The following WDR72 variants were observed in gnomAD, a reference collection of about 807,000 sequenced individuals.
WDR72 encodes the protein WD repeat domain 72.
WDR72 carries 120 observed loss-of-function variants against 124.2 expected under a neutral mutation model. The observed-to-expected ratio is 0.97, with a 90% confidence interval of 0.83 to 1.12. WDR72 has a LOEUF of 1.12. Among genes scored for constraint, WDR72 ranks in the 50% most tolerant of loss-of-function variants. The pLI is 0.00. For synonymous variants in WDR72, 452 were observed against 441.7 expected, an observed-to-expected ratio of 1.02 and a Z score of -0.29; for missense variants, 1,387 against 1,278.8, an observed-to-expected ratio of 1.08 and a Z score of -1.29.
At chr15:53,705,815 C>T in intron 10 of WDR72, 112 bp downstream of exon 10, 2 of 1,271,682 alleles carry the variant, frequency 1.6e-6, no homozygotes, top group Non-Finnish European at 1.1e-6. Context: ...CGTAGTAGTA[C>T]ACAATAAATT....
chr15:53,650,989 A>T (rs1428200778), intron 14 of WDR72, among the ~76,000 whole-genome samples: 4 of 151,212 alleles, frequency 2.6e-5, no homozygotes, highest in African/African-American at 9.8e-5. Flanking sequence ...AATCGTGAAA[A>T]GACTCCCTTT....
intron 1 of WDR72, among the ~76,000 whole-genome samples, chr15:53,737,815 T>A (rs2140627811): frequency 6.6e-6 from 1 of 152,274 alleles, no homozygotes; most frequent in African/African-American, 2.4e-5. Context: ...ATCACAAAAA[T>A]ATATAGATTC....
intron 13 of WDR72, among the ~76,000 whole-genome samples, chr15:53,667,081 A>G (rs690138): frequency 0.095 from 14,510 of 152,112 alleles, 1,845 homozygotes; most frequent in African/African-American, 0.29. Context: ...GCTGGGTGTG[A>G]TGGCTCATGC....
chr15:53,666,731 A>G (rs2015793153), intron 13 of WDR72, among the ~76,000 whole-genome samples: 1 of 152,196 alleles, frequency 6.6e-6, no homozygotes, highest in African/African-American at 2.4e-5. Context: ...CTTAATTACA[A>G]TAAGAAAATA....
chr15:53,726,868 A>G (rs899991081), intron 2 of WDR72, among the ~76,000 whole-genome samples: 11 of 151,576 alleles, frequency 7.3e-5, no homozygotes, highest in African/African-American at 1.2e-4. Flanking sequence ...ACCCAATTTT[A>G]AAAATATGAC....
upstream of WDR72, chr15:53,759,735 G>T (rs1382261770): frequency 3.4e-5 from 1 of 29,496 alleles, no homozygotes; most frequent in African/African-American, 1.2e-4. Flanking sequence ...GCCCCGCCCC[G>T]CCCCGGTCCT....
intron 18 of WDR72, among the ~76,000 whole-genome samples, chr15:53,556,886 G>A (rs1893953246): frequency 6.6e-6 from 1 of 152,002 alleles, no homozygotes; most frequent in Non-Finnish European, 1.5e-5. Context: ...TATAATCCAT[G>A]TTACATGTAT....
At chr15:53,533,867 A>C (rs1237236855) in intron 18 of WDR72, among the ~76,000 whole-genome samples, 1 of 152,170 alleles carries the variant, frequency 6.6e-6, no homozygotes, top group Non-Finnish European at 1.5e-5. Context: ...AATCTTCATC[A>C]ATCTGTCAGT....
At chr15:53,657,181 T>C (rs2015454903) in intron 14 of WDR72, among the ~76,000 whole-genome samples, 3 of 143,494 alleles carry the variant, frequency 2.1e-5, no homozygotes, top group Admixed American at 1.5e-4. Flanking sequence ...GGAGAATCAC[T>C]TGAACCTGGG....
At position 53,646,789 on chromosome 15, in the gene WDR72, A is replaced by G. The variant is rs563375202; in HGVS notation, c.1962+18783T>C. ...ACTGAAATGATAGAAAACGTCAAAT[A>G]AAAGCTCTGGGACAGTTAAAAAAAA... On this transcript the variant is annotated intron_variant, in intron 14 of 19. Transcript: ENST00000360509. 8.5e-5 allele frequency among the ~76,000 whole-genome samples: 13 copies of G among 152,282 alleles called. No homozygotes were observed. In the South Asian group the frequency reaches 2.7e-3, roughly 32 times the overall value.
intron 14 of WDR72, among the ~76,000 whole-genome samples, chr15:53,624,134 G>A (rs1239861368): frequency 6.6e-6 from 1 of 152,086 alleles, no homozygotes; most frequent in Non-Finnish European, 1.5e-5. Context: ...GCTAGAAGAA[G>A]GGTAAGAAGG....
chr15:53,759,943 G>C (rs986660365), upstream of WDR72, among the ~76,000 whole-genome samples: 7 of 151,918 alleles, frequency 4.6e-5, no homozygotes, highest in Non-Finnish European at 1.0e-4. Context: ...AATTAGTTAG[G>C]GGGGGTTAGA....
At chr15:53,732,976 A>C in intron 2 of WDR72, 21 bp downstream of exon 2, 1 of 1,614,012 alleles carries the variant, frequency 6.2e-7, no homozygotes, top group South Asian at 1.1e-5. Context: ...GTCTGTTTCA[A>C]TATCAGTAGC....
chr15:53,554,732 A>T (rs1365499693), intron 18 of WDR72, among the ~76,000 whole-genome samples: 1 of 152,158 alleles, frequency 6.6e-6, no homozygotes, highest in East Asian at 1.9e-4. Context: ...GGAGTGAGGA[A>T]AAATGACACC....
chr15:53,599,784 T>TA (rs34196535), intron 17 of WDR72, among the ~76,000 whole-genome samples: 44,533 of 151,940 alleles, frequency 0.29, 7,737 homozygotes, highest in Middle Eastern at 0.55. Flanking sequence ...CATTCCTTCT[T>TA]AAAAATATAC....
intron 14 of WDR72, among the ~76,000 whole-genome samples, chr15:53,627,397 C>A (rs1229036570): frequency 6.6e-6 from 1 of 152,070 alleles, no homozygotes; most frequent in Non-Finnish European, 1.5e-5. Context: ...AAGACCTAGC[C>A]CCATCTATTA....
intron 3 of WDR72, among the ~76,000 whole-genome samples, chr15:53,720,161 C>G (rs2017835924): frequency 6.6e-6 from 1 of 151,956 alleles, no homozygotes; most frequent in Admixed American, 6.6e-5. Flanking sequence ...GTTACATACT[C>G]TTTCTTTTAT....
At chr15:53,658,917 C>T (rs1202358882) in intron 14 of WDR72, among the ~76,000 whole-genome samples, 1 of 152,080 alleles carries the variant, frequency 6.6e-6, no homozygotes, top group Non-Finnish European at 1.5e-5. Context: ...AACAAGAACC[C>T]AATATTGATT....
At chr15:53,558,594 A>G (rs1055337128) in intron 18 of WDR72, among the ~76,000 whole-genome samples, 1 of 152,066 alleles carries the variant, frequency 6.6e-6, no homozygotes, top group African/African-American at 2.4e-5. Flanking sequence ...TAGCAATTCA[A>G]CATCCCATTA....
Sources: allele counts gnomAD v4.1 joint callset (sites outside exome capture counted in the v4.1 genomes callset), GRCh38; gene constraint gnomAD v4.1.1; transcripts MANE v1.5; gene names NCBI Gene and HGNC (gene_info 2026-07-23, HGNC 2026-07-21).